CELF2: variants seen among roughly 807,000 people sequenced by gnomAD.
CELF2 encodes the protein CUG triplet repeat RNA-binding protein 2.
A neutral mutation model predicts 62.6 loss-of-function variants in CELF2; 8 were observed. The observed-to-expected ratio is 0.13, with a 90% CI of 0.07 to 0.23. The LOEUF is 0.23. Among genes scored for constraint, CELF2 ranks in the 10% least tolerant of loss-of-function variants. The pLI is 1.00. For synonymous variants in CELF2, 258 were observed against 250.0 expected (o/e 1.03, Z -0.30); for missense variants, 333 against 671.0 (o/e 0.50, Z 5.56).
the CELF2 span, among the ~76,000 whole-genome samples, chr10:10,673,032 G>A: frequency 1.3e-5 from 2 of 151,838 alleles, no homozygotes; most frequent in Non-Finnish European, 2.9e-5. Context: ...TTATTCCTAA[G>A]CATTTTTTTT....
chr10:10,805,858 C>A (rs2131605710), intron 1 of CELF2, among the ~76,000 whole-genome samples: 1 of 152,280 alleles, frequency 6.6e-6, no homozygotes, highest in Admixed American at 6.5e-5. Flanking sequence ...CATTAAGGAC[C>A]AGCTAAACCA....
intron 3 of CELF2, among the ~76,000 whole-genome samples, chr10:11,245,459 A>G (rs552275066): frequency 9.2e-5 from 14 of 152,360 alleles, no homozygotes; most frequent in African/African-American, 3.1e-4. Context: ...TGTCTTCAGA[A>G]CATACCTGAA....
the CELF2 span, among the ~76,000 whole-genome samples, chr10:10,492,581 A>G: frequency 7.0e-4 from 107 of 152,338 alleles, no homozygotes; most frequent in African/African-American, 2.4e-3. Context: ...ACATAGCCAA[A>G]GGAATTGAAA....
the CELF2 span, among the ~76,000 whole-genome samples, chr10:10,490,571 G>C: frequency 6.6e-6 from 1 of 151,916 alleles, no homozygotes; most frequent in East Asian, 1.9e-4. Context: ...ATCTGGTTGG[G>C]GGGGGGTGGA....
Position 11,270,929 on chromosome 10 carries a change from T to C in CELF2, c.777+105T>C. The stretch of plus-strand genomic sequence containing the variant: ...ATTTGTTTTCAGTACATTTTCAATC[T>C]CGGGGAATTATTGAAATCAGCATTT... On this transcript the variant is annotated intron_variant, in intron 7 of 12. Transcript: ENST00000633077. The surrounding 1 kb of genome is among the most constrained non-coding windows in gnomAD (Gnocchi z 5.8). 1 of 1,083,090 alleles carries C rather than the reference T, an allele frequency of 9.2e-7. No individual in the cohort carries two copies. Among genetic ancestry groups the C allele is most frequent in the Non-Finnish European group, 1.2e-6 (1 of 814,920 alleles). 67.1% of individuals were successfully genotyped at this position (1,083,090 alleles called of 1,614,324 possible).
At chr10:10,709,293 G>C in the CELF2 span, among the ~76,000 whole-genome samples, 1 of 152,162 alleles carries the variant, frequency 6.6e-6, no homozygotes, top group African/African-American at 2.4e-5. Flanking sequence ...AAGGAATGGA[G>C]GCTCAGAGAA....
intron 2 of CELF2, among the ~76,000 whole-genome samples, chr10:10,980,349 C>T (rs897412949): frequency 2.0e-5 from 3 of 152,200 alleles, no homozygotes; most frequent in Non-Finnish European, 4.4e-5. Flanking sequence ...CTCTTCCCCC[C>T]CCAAGATGGT....
intron 7 of CELF2, among the ~76,000 whole-genome samples, chr10:11,273,980 C>T (rs538490697): frequency 2.5e-4 from 36 of 141,620 alleles, no homozygotes; most frequent in Middle Eastern, 7.0e-3. Context: ...CCCCCCCCCC[C>T]ACCTTGGCCT....
In CELF2 at chr10:11,243,192, G is replaced by C. The variant is rs1276384224; in HGVS notation, c.355-5961G>C. 6.6e-6 allele frequency among the ~76,000 whole-genome samples: 1 copy of C among 152,064 alleles called. No individual in the cohort carries two copies. The highest frequency in any genetic ancestry group is 1.5e-5 in the Non-Finnish European group (1 of 68,010). On this transcript the variant is annotated intron_variant, in intron 3 of 12. Coordinates refer to ENST00000633077, the MANE Select transcript of CELF2 (RefSeq NM_001326342.2). The surrounding 1 kb of genome is among the most constrained non-coding windows in gnomAD (Gnocchi z 4.1). ...ACAGAGCTTCAGCAGATGCCTTCTT[G>C]GGACCGCGCTTGACTCTAGTTCCTT...
At chr10:10,531,328 T>C in the CELF2 span, among the ~76,000 whole-genome samples, 1,170 of 152,312 alleles carry the variant, frequency 7.7e-3, 10 homozygotes, top group African/African-American at 0.027. Flanking sequence ...AAATCTGTAT[T>C]GTAACAGCAG....
At chr10:10,845,040 T>C (rs780789373) in intron 1 of CELF2, among the ~76,000 whole-genome samples, 3 of 152,128 alleles carry the variant, frequency 2.0e-5, no homozygotes, top group Admixed American at 6.6e-5. Flanking sequence ...GGAATGGGCT[T>C]CTAATTCTAG....
chr10:10,956,157 A>G (rs1158676657), intron 2 of CELF2, among the ~76,000 whole-genome samples: 1 of 152,074 alleles, frequency 6.6e-6, no homozygotes, highest in Non-Finnish European at 1.5e-5. Flanking sequence ...TTTCTCCTCT[A>G]AGTTTGATGG....
chr10:10,830,389 ATT>A (rs1359042052), intron 1 of CELF2, among the ~76,000 whole-genome samples: 1 of 152,038 alleles, frequency 6.6e-6, no homozygotes, highest in Non-Finnish European at 1.5e-5. Context: ...AATCATAGCT[ATT>A]TTATAGCAAG....
In CELF2 at chr10:11,022,201, T is replaced by G. The variant is rs192363750; in HGVS notation, c.74+4038T>G. ...TTGCGTATGGTTCTTTAAGGAAAAT[T>G]TTTGAAGTGTTTTTTTCAGTTGAGA... On this transcript the variant is annotated intron_variant, in intron 1 of 12. Coordinates refer to ENST00000633077, the MANE Select transcript of CELF2 (RefSeq NM_001326342.2). 1.6e-4 allele frequency among the ~76,000 whole-genome samples: 24 copies of G among 152,294 alleles called. No homozygotes were observed. The East Asian group carries it at 3.5e-3, about 22-fold the overall frequency.
At chr10:10,581,856 G>A in the CELF2 span, among the ~76,000 whole-genome samples, 39 of 152,098 alleles carry the variant, frequency 2.6e-4, no homozygotes, top group South Asian at 7.1e-3. Context: ...GGTGAAACCC[G>A]ATGTCTACTA....
chr10:10,951,582 A>G (rs181017032), intron 2 of CELF2, among the ~76,000 whole-genome samples: 109 of 152,332 alleles, frequency 7.2e-4, no homozygotes, highest in Non-Finnish European at 1.5e-3. Flanking sequence ...TACTCCTCCA[A>G]GGACATTAGT....
chr10:11,042,002 A>C (rs546016937), intron 1 of CELF2, among the ~76,000 whole-genome samples: 1 of 152,228 alleles, frequency 6.6e-6, no homozygotes, highest in African/African-American at 2.4e-5. Context: ...TTATGGGTAC[A>C]TAGTTAGCCA....
chr10:10,872,460 A>T (rs1395643920), intron 1 of CELF2, among the ~76,000 whole-genome samples: 1 of 152,218 alleles, frequency 6.6e-6, no homozygotes, highest in Non-Finnish European at 1.5e-5. Context: ...AATTTTCCAA[A>T]TAATAGAAAA....
At chr10:10,812,486 C>T (rs2056017343) in intron 1 of CELF2, among the ~76,000 whole-genome samples, 2 of 152,168 alleles carry the variant, frequency 1.3e-5, no homozygotes, top group African/African-American at 4.8e-5. Context: ...CCTGAGAGAT[C>T]AATTTCTTGA....
Sources: allele counts gnomAD v4.1 joint callset (sites outside exome capture counted in the v4.1 genomes callset), GRCh38; gene constraint gnomAD v4.1.1; non-coding constraint Gnocchi (gnomAD v3.1); transcripts MANE v1.5; gene names NCBI Gene and HGNC (gene_info 2026-07-23, HGNC 2026-07-21).